AFAP1: variants seen among roughly 807,000 people sequenced by gnomAD.
AFAP1 encodes actin filament associated protein 1, also known as actin filament-associated protein 1.
In AFAP1, 75 loss-of-function variants were observed where a neutral mutation model predicts 93.9. The ratio of observed to expected loss-of-function variants is 0.80; its 90% CI spans 0.66 to 0.97. The LOEUF is 0.97. Ranked by LOEUF, AFAP1 falls within the 50% of genes least tolerant of loss-of-function variation. The pLI is 0.00. For synonymous variants in AFAP1, 517 were observed against 430.7 expected, an observed-to-expected ratio of 1.20 and a Z score of -2.48; for missense variants, 1,201 against 1,050.8, an observed-to-expected ratio of 1.14 and a Z score of -1.98.
chr4:7,938,978 G>A (rs1407920840), intron 1 of AFAP1: 1 of 152,442 alleles, frequency 6.6e-6, no homozygotes, highest in African/African-American at 2.4e-5. Flanking sequence ...GATAAATCAC[G>A]GGGCGGGGCA....
intron 13 of AFAP1, 21 bp downstream of exon 13, chr4:7,781,355 T>G: frequency 6.5e-7 from 1 of 1,550,144 alleles, no homozygotes; most frequent in South Asian, 1.2e-5. Context: ...TTCTAGAATC[T>G]TACAGAAGAA....
chr4:7,827,401 G>A (rs568176625), intron 6 of AFAP1, among the ~76,000 whole-genome samples: 51 of 151,488 alleles, frequency 3.4e-4, no homozygotes, highest in Non-Finnish European at 5.2e-4. Context: ...GAGAAACCCC[G>A]TCTCTACTAA....
intron 1 of AFAP1, among the ~76,000 whole-genome samples, chr4:7,882,648 C>G (rs1193749330): frequency 1.3e-5 from 2 of 152,146 alleles, no homozygotes; most frequent in Non-Finnish European, 2.9e-5. Context: ...AGCACAAGGT[C>G]AGGAGATCAA....
chr4:7,934,618 G>C (rs1439593630), intron 1 of AFAP1, among the ~76,000 whole-genome samples: 5 of 152,208 alleles, frequency 3.3e-5, no homozygotes, highest in Non-Finnish European at 4.4e-5. Context: ...AGAGGAGAGA[G>C]AGGAAAGCAG....
rs569506636 is a variant in AFAP1, at chr4:7,834,438, A to C, written c.726+4086T>G. On this transcript the variant is annotated intron_variant, in intron 6 of 17. Transcript: ENST00000420658. ...ACTGCTTCGCTGTTGGGTGCACCAAAATCTCACGAATCAACACTAAAGAAC... is the reference window on the plus strand; with the variant it reads ...ACTGCTTCGCTGTTGGGTGCACCAACATCTCACGAATCAACACTAAAGAAC... Among the ~76,000 whole-genome samples, 11 of 152,342 alleles carry C rather than the reference A, an allele frequency of 7.2e-5. No homozygotes were observed. The South Asian group carries it at 2.1e-3, about 29-fold the overall frequency.
At chr4:7,772,537 G>T in intron 16 of AFAP1, 1 of 333,788 alleles carries the variant, frequency 3.0e-6, no homozygotes, top group Non-Finnish European at 5.4e-6. Context: ...GAAGAGACAC[G>T]AGGACTGGAT....
chr4:7,789,820 G>A (rs1466692798), intron 11 of AFAP1, among the ~76,000 whole-genome samples: 3 of 152,094 alleles, frequency 2.0e-5, no homozygotes, highest in Admixed American at 2.0e-4. Flanking sequence ...CCTCCCAACT[G>A]CTTCCTGAGG....
rs1336021441 is a variant in AFAP1, at chr4:7,762,849, A to G, written c.*916T>C. 1 of 152,232 alleles carries G rather than the reference A, an allele frequency of 6.6e-6. No homozygotes were observed. The highest frequency in any genetic ancestry group is 1.5e-5 in the Non-Finnish European group (1 of 68,112). 9.4% of individuals were successfully genotyped at this position (152,232 alleles called of 1,614,324 possible). ...ACTGCCCTGGCCCCAAGCAGCAGTA[A>G]ACGTCCTGTACAGCGGCGAGGAGCC... On this transcript the variant is annotated 3_prime_UTR_variant, in exon 18 of 18. Coordinates refer to ENST00000420658, the MANE Select transcript of AFAP1 (RefSeq NM_001134647.2).
At position 7,773,009 on chromosome 4, in the gene AFAP1, G is replaced by T; in HGVS notation, c.2064C>A (p.Gly688=). 1 of 1,607,866 alleles carries T rather than the reference G, an allele frequency of 6.2e-7. No individual in the cohort carries two copies. Among genetic ancestry groups the T allele is most frequent in the Non-Finnish European group, 8.5e-7 (1 of 1,179,746 alleles). Residue 688 remains glycine (G), a splice_region_variant and synonymous_variant, in exon 16 of 18, where the codon GGC becomes GGA. Transcript: ENST00000420658. The part of the protein sequence containing the change: ...DLRAAIEVNA[G]RKPQAILEEK... ...CCTCCAGGATCGCCTGCGGCTTCCT[G>T]CCTGGAATTCCCAGAAACGCCGTTA...
Position 7,931,441 on chromosome 4 carries a change from G to T in AFAP1, c.-3+8215C>A, listed in dbSNP as rs148678052. 3.5e-4 allele frequency among the ~76,000 whole-genome samples: 53 copies of T among 152,210 alleles called. 1 individual carries two copies. The East Asian group carries it at 9.9e-3, about 28-fold the overall frequency. On this transcript the variant is annotated intron_variant, in intron 1 of 17. Transcript: ENST00000420658. ...GGGTCTTGCTCTGTTGCTCAGGCTG[G>T]AGTGCTGTGGTGCAATTGTAGCTTA...
intron 6 of AFAP1, among the ~76,000 whole-genome samples, chr4:7,837,018 C>A (rs1712384606): frequency 6.6e-6 from 1 of 152,156 alleles, no homozygotes; most frequent in Non-Finnish European, 1.5e-5. Flanking sequence ...CAACAGACAA[C>A]AGAACCAGGT....
chr4:7,932,194 C>T (rs1721107591), intron 1 of AFAP1, among the ~76,000 whole-genome samples: 1 of 151,588 alleles, frequency 6.6e-6, no homozygotes, highest in Admixed American at 6.6e-5. Context: ...TATTTCAAGT[C>T]AGAGCTTGTC....
chr4:7,770,491 G>C (rs1263366177), intron 16 of AFAP1, among the ~76,000 whole-genome samples: 2 of 152,196 alleles, frequency 1.3e-5, no homozygotes, highest in African/African-American at 4.8e-5. Context: ...TGCAAGCATG[G>C]ACAACTGCTT....
rs1301879561 is a variant in AFAP1 at position 7,932,273 on chromosome 4, T to TG, written c.-3+7382dup. ...ACACCCACATGATAAAACGAGGTCCTGCTTGGTTTTAAACTACTTGGTGAC... is the reference window on the plus strand; with the variant it reads ...ACACCCACATGATAAAACGAGGTCCTGGCTTGGTTTTAAACTACTTGGTGAC... On this transcript the variant is annotated intron_variant, in intron 1 of 17. Transcript: ENST00000420658. Among the ~76,000 whole-genome samples, 5 of 152,292 alleles carry TG rather than the reference T, an allele frequency of 3.3e-5. No individual in the cohort carries two copies. The East Asian group carries it at 9.6e-4, about 29-fold the overall frequency.
chr4:7,896,355 A>G (rs544082983), intron 1 of AFAP1, among the ~76,000 whole-genome samples: 1 of 152,176 alleles, frequency 6.6e-6, no homozygotes, highest in South Asian at 2.1e-4. Flanking sequence ...CTGAACACCG[A>G]CATGACGAAC....
chr4:7,782,428 C>T (rs781513510), intron 12 of AFAP1, among the ~76,000 whole-genome samples: 21 of 152,334 alleles, frequency 1.4e-4, no homozygotes, highest in Admixed American at 4.6e-4. Context: ...CAAGCAAAAC[C>T]GTCTGTGAAA....
chr4:7,877,865 T>A, intron 1 of AFAP1, among the ~76,000 whole-genome samples: 1 of 152,116 alleles, frequency 6.6e-6, no homozygotes. Flanking sequence ...ACCTTAGAGG[T>A]AGCACAATTC....
chr4:7,816,785 C>T (rs796327327), intron 7 of AFAP1, among the ~76,000 whole-genome samples: 21 of 152,296 alleles, frequency 1.4e-4, no homozygotes, highest in African/African-American at 4.3e-4. Flanking sequence ...GTGCCTTCCA[C>T]GAGGGCCTTG....
chr4:7,821,660 T>A (rs1720984479), intron 6 of AFAP1, among the ~76,000 whole-genome samples: 1 of 152,188 alleles, frequency 6.6e-6, no homozygotes, highest in South Asian at 2.1e-4. Flanking sequence ...TAAGCTGCAA[T>A]TTCAGTTAAA....
Sources: allele counts gnomAD v4.1 joint callset (sites outside exome capture counted in the v4.1 genomes callset), GRCh38; gene constraint gnomAD v4.1.1; transcripts MANE v1.5; gene names NCBI Gene and HGNC (gene_info 2026-07-23, HGNC 2026-07-21).